Variants in MAD1L1 observed in about 807,000 individuals in gnomAD.
The protein encoded by MAD1L1 is mitotic arrest deficient 1 like 1, also known as mitotic spindle assembly checkpoint protein MAD1.
MAD1L1 carries 95 observed loss-of-function variants against 96.9 expected under a neutral mutation model. The observed-to-expected ratio is 0.98, with a 90% CI of 0.83 to 1.16. The LOEUF is 1.16. MAD1L1 is among the 50% of genes most tolerant of loss of function. MAD1L1 has a pLI of 0.00. For missense variants in MAD1L1, 1,007 were observed against 954.4 expected (o/e 1.06, Z -0.73); for synonymous variants, 473 against 396.6 (o/e 1.19, Z -2.29).
chr7:1,989,495 C>T (rs1331541123), intron 14 of MAD1L1, among the ~76,000 whole-genome samples: 1 of 152,242 alleles, frequency 6.6e-6, no homozygotes, highest in African/African-American at 2.4e-5. Context: ...GCTGGGAGCC[C>T]TCGGCGGCGG....
At chr7:2,060,282 C>T (rs999259461) in intron 12 of MAD1L1, among the ~76,000 whole-genome samples, 12 of 94,214 alleles carry the variant, frequency 1.3e-4, no homozygotes, top group South Asian at 4.7e-4. Flanking sequence ...TGCCGAGATA[C>T]GCCGATCCCG....
rs554772915 is a variant in MAD1L1 at position 2,016,876 on chromosome 7, A to G, written c.1219-2234T>C. The stretch of plus-strand genomic sequence containing the variant: ...TGTGTCATAATCTTATTGAAATCCT[A>G]TATCTTCCCATTGACTTTTATCGTT... On this transcript the variant is annotated intron_variant, in intron 12 of 18. Coordinates refer to ENST00000265854, the MANE Select transcript of MAD1L1 (RefSeq NM_001013836.2). 9.2e-5 allele frequency among the ~76,000 whole-genome samples: 14 copies of G among 152,364 alleles called. No individual in the cohort carries two copies. In the South Asian group the frequency reaches 1.0e-3, roughly 11 times the overall value.
At chr7:1,907,919 G>C (rs1787770382) in intron 17 of MAD1L1, among the ~76,000 whole-genome samples, 1 of 152,194 alleles carries the variant, frequency 6.6e-6, no homozygotes, top group Non-Finnish European at 1.5e-5. Context: ...GGTCCGGAGA[G>C]ACAGGGTGAC....
At chr7:1,919,652 C>G (rs997811208) in intron 17 of MAD1L1, among the ~76,000 whole-genome samples, 2 of 152,218 alleles carry the variant, frequency 1.3e-5, no homozygotes. Context: ...CATGGGCCAG[C>G]GGTGCCTCTG....
intron 18 of MAD1L1, among the ~76,000 whole-genome samples, chr7:1,820,048 G>A (rs1782043996): frequency 6.6e-6 from 1 of 152,148 alleles, no homozygotes; most frequent in African/African-American, 2.4e-5. Flanking sequence ...GGGAAGTTAT[G>A]TGAATGCTGT....
chr7:2,154,773 G>C (rs1789742568), intron 10 of MAD1L1, among the ~76,000 whole-genome samples: 1 of 152,150 alleles, frequency 6.6e-6, no homozygotes, highest in South Asian at 2.1e-4. Context: ...AAATGGTTTT[G>C]CCAACATGTG....
intron 16 of MAD1L1, among the ~76,000 whole-genome samples, chr7:1,953,659 T>C (rs1779599906): frequency 6.6e-6 from 1 of 152,224 alleles, no homozygotes; most frequent in South Asian, 2.1e-4. Flanking sequence ...GATAAAGAGA[T>C]GTCAGGAAGC....
chr7:2,211,688 G>T (rs1209361367), intron 10 of MAD1L1, among the ~76,000 whole-genome samples: 2 of 152,204 alleles, frequency 1.3e-5, no homozygotes, highest in African/African-American at 4.8e-5. Context: ...GTTCTACAGG[G>T]GGAGTTCAAG....
At chr7:1,931,999 T>G (rs73050157) in intron 17 of MAD1L1, among the ~76,000 whole-genome samples, 5,151 of 152,058 alleles carry the variant, frequency 0.034, 194 homozygotes, top group Admixed American at 0.099. Context: ...TGCCAAAGAG[T>G]GACCCAGGGA....
intron 11 of MAD1L1, among the ~76,000 whole-genome samples, chr7:2,076,720 T>G (rs920207499): frequency 6.7e-6 from 1 of 150,264 alleles, no homozygotes; most frequent in Non-Finnish European, 1.5e-5. Flanking sequence ...ATGGTGACCC[T>G]GAGACAGGGT....
chr7:2,081,728 G>A (rs1476615063), intron 11 of MAD1L1, among the ~76,000 whole-genome samples: 2 of 152,256 alleles, frequency 1.3e-5, no homozygotes, highest in African/African-American at 2.4e-5. Context: ...CAGGCCCGGC[G>A]GAGGGGGCAG....
chr7:1,949,398 G>A (rs752476960), intron 16 of MAD1L1, among the ~76,000 whole-genome samples: 3 of 152,194 alleles, frequency 2.0e-5, no homozygotes, highest in African/African-American at 4.8e-5. Context: ...ACATGCGCCC[G>A]GCTCTGAGTC....
chr7:2,046,225 G>A (rs1380214933), intron 12 of MAD1L1, among the ~76,000 whole-genome samples: 2 of 152,158 alleles, frequency 1.3e-5, no homozygotes, highest in Non-Finnish European at 2.9e-5. Flanking sequence ...TTCCAGGCCT[G>A]CACTCACAGG....
chr7:1,844,855 T>A (rs930347760), intron 18 of MAD1L1, among the ~76,000 whole-genome samples: 7 of 152,152 alleles, frequency 4.6e-5, no homozygotes, highest in Non-Finnish European at 1.0e-4. Flanking sequence ...GAGCGTGTCC[T>A]CCTCTGCGAG....
intron 11 of MAD1L1, among the ~76,000 whole-genome samples, chr7:2,084,720 G>A (rs9654939): frequency 2.0e-5 from 3 of 152,110 alleles, no homozygotes; most frequent in South Asian, 4.1e-4. Context: ...ACATCTCCTG[G>A]AACGTCCTGA....
chr7:2,094,037 T>C (rs1786350615), intron 11 of MAD1L1, among the ~76,000 whole-genome samples: 1 of 152,200 alleles, frequency 6.6e-6, no homozygotes, highest in African/African-American at 2.4e-5. Context: ...CTGTGCAGCT[T>C]GCAGGGCCAA....
chr7:1,892,649 C>T (rs1562497040), intron 18 of MAD1L1, among the ~76,000 whole-genome samples: 1 of 151,826 alleles, frequency 6.6e-6, no homozygotes. Flanking sequence ...GGAGGCTGGA[C>T]CTGTATACCT....
At chr7:2,044,932 C>T (rs1383766461) in intron 12 of MAD1L1, among the ~76,000 whole-genome samples, 1 of 152,180 alleles carries the variant, frequency 6.6e-6, no homozygotes, top group Non-Finnish European at 1.5e-5. Context: ...CTGTCACCTC[C>T]CCACTCTGAT....
chr7:2,062,502 G>T (rs575564289), intron 12 of MAD1L1, among the ~76,000 whole-genome samples: 1 of 152,132 alleles, frequency 6.6e-6, no homozygotes, highest in South Asian at 2.1e-4. Context: ...TTGAACCTGG[G>T]AGGCGGAGGC....
Sources: allele counts gnomAD v4.1 joint callset (sites outside exome capture counted in the v4.1 genomes callset), GRCh38; gene constraint gnomAD v4.1.1; transcripts MANE v1.5; gene names NCBI Gene and HGNC (gene_info 2026-07-23, HGNC 2026-07-21).